The following NOL10 variants were observed in gnomAD, a reference collection of about 807,000 sequenced individuals.
NOL10 encodes the protein H_NH0074G24.1.
A neutral mutation model predicts 103.5 loss-of-function variants in NOL10; 58 were observed. That is an observed-to-expected ratio of 0.56 (90% CI 0.45 to 0.70). The LOEUF is 0.70. NOL10 is among the 30% of genes least tolerant of loss of function. NOL10 has a pLI of 0.00. For missense variants in NOL10, 763 were observed against 807.3 expected (o/e 0.95, Z 0.67); for synonymous variants, 287 against 282.5 (o/e 1.02, Z -0.16).
intron 13 of NOL10, among the ~76,000 whole-genome samples, chr2:10,612,354 T>C (rs935335499): frequency 2.0e-5 from 3 of 152,296 alleles, no homozygotes; most frequent in African/African-American, 7.2e-5. Context: ...ACTAAACCAA[T>C]ACAAATGCCA....
At chr2:10,683,470 G>C (rs1681925681) in intron 2 of NOL10, among the ~76,000 whole-genome samples, 1 of 152,174 alleles carries the variant, frequency 6.6e-6, no homozygotes, top group South Asian at 2.1e-4. Context: ...TACACGATAA[G>C]ATTTTGATAC....
intron 5 of NOL10, among the ~76,000 whole-genome samples, chr2:10,672,895 A>G (rs1681041928): frequency 6.6e-6 from 1 of 152,154 alleles, no homozygotes; most frequent in Admixed American, 6.5e-5. Context: ...CAGGAGGCAG[A>G]GGCAGGAGAA....
At chr2:10,658,906 C>T (rs1232561486) in intron 10 of NOL10, among the ~76,000 whole-genome samples, 1 of 152,186 alleles carries the variant, frequency 6.6e-6, no homozygotes, top group Non-Finnish European at 1.5e-5. Context: ...CAGTGAGACC[C>T]TGTCTCTACA....
At chr2:10,591,729 G>C (rs1254035142) in intron 17 of NOL10, among the ~76,000 whole-genome samples, 4 of 152,090 alleles carry the variant, frequency 2.6e-5, no homozygotes, top group Non-Finnish European at 4.4e-5. Context: ...GAACTGGCCA[G>C]GTGGTGGTTC....
chr2:10,675,884 A>C lies in NOL10; in HGVS notation c.212-13T>G, dbSNP rs2148350867. ...GGTTTATATGTTCCTACAAAAAATTAATGTGATGTAAAACCTAAAGACATA... is the reference window on the plus strand; with the variant it reads ...GGTTTATATGTTCCTACAAAAAATTCATGTGATGTAAAACCTAAAGACATA... On this transcript the variant is annotated splice_polypyrimidine_tract_variant and intron_variant, in intron 3 of 20. Coordinates refer to ENST00000381685, the MANE Select transcript of NOL10 (RefSeq NM_024894.4). The C allele has an allele frequency of 1.4e-6, 2 of 1,469,886 alleles. No individual in the cohort carries two copies. Among genetic ancestry groups the C allele is most frequent in the South Asian group, 2.5e-5 (2 of 80,146 alleles). The allele number at this position is 1,469,886 out of a possible 1,614,324, so 91.1% of individuals were successfully genotyped here. A position where few individuals can be genotyped will look rare whatever the true frequency, so the allele number is the denominator to read the frequency against.
chr2:10,623,886 T>C (rs564209843), intron 13 of NOL10, among the ~76,000 whole-genome samples: 18 of 152,170 alleles, frequency 1.2e-4, no homozygotes, highest in African/African-American at 2.4e-4. Context: ...CGCAAAAACA[T>C]TGACAACACC....
chr2:10,663,312 A>G (rs554146682), intron 8 of NOL10, among the ~76,000 whole-genome samples: 148 of 150,594 alleles, frequency 9.8e-4, no homozygotes, highest in Middle Eastern at 3.2e-3. Flanking sequence ...GGTTGCAGTG[A>G]GCCGAGATTA....
intron 13 of NOL10, among the ~76,000 whole-genome samples, chr2:10,621,189 A>T (rs1206545251): frequency 1.3e-5 from 2 of 150,688 alleles, no homozygotes; most frequent in Non-Finnish European, 3.0e-5. Flanking sequence ...AGCTTTATTT[A>T]AAAAAAACCA....
intron 13 of NOL10, among the ~76,000 whole-genome samples, chr2:10,608,928 T>C (rs1676399793): frequency 6.6e-6 from 1 of 152,138 alleles, no homozygotes; most frequent in African/African-American, 2.4e-5. Context: ...GGTTTTTATA[T>C]ACTAAGTGGT....
chr2:10,621,718 G>C (rs1166640392), intron 13 of NOL10, among the ~76,000 whole-genome samples: 2 of 152,228 alleles, frequency 1.3e-5, no homozygotes, highest in Admixed American at 6.5e-5. Context: ...TCTGGAAGAA[G>C]AAATTCTCTG....
intron 16 of NOL10, among the ~76,000 whole-genome samples, chr2:10,602,561 C>T (rs573042273): frequency 1.0e-3 from 153 of 152,260 alleles, no homozygotes; most frequent in African/African-American, 3.5e-3. Context: ...GTACAATTAC[C>T]GCAGAGGTCA....
At position 10,657,855 on chromosome 2, in the gene NOL10, G is replaced by C; in HGVS notation, c.793C>G (p.Leu265Val). The C allele has an allele frequency of 6.5e-7, 1 of 1,548,514 alleles. No individual in the cohort carries two copies. The highest frequency in any genetic ancestry group is 1.7e-4 in the Middle Eastern group (1 of 5,974). The change falls in exon 11 of 21, where the codon CTA (leucine) becomes GTA (valine). Residue 265 changes from leucine to valine, a missense_variant. Leu to Val is a conservative substitution (Grantham distance 32, BLOSUM62 1). Coordinates refer to ENST00000381685, the MANE Select transcript of NOL10 (RefSeq NM_024894.4). ...AGCCCATACTGGTGATCTTTAACTA[G>C]CAATGGCTTATCAGATCGAAGGTCA... ...LYDLRSDKPL[L>V]VKDHQYGLPI...
At chr2:10,683,940 C>T (rs189887383) in intron 2 of NOL10, among the ~76,000 whole-genome samples, 95 of 152,186 alleles carry the variant, frequency 6.2e-4, no homozygotes, top group African/African-American at 2.0e-3. Context: ...AATCAAATCC[C>T]ATACCCACCA....
chr2:10,684,375 G>A (rs1325504974), intron 2 of NOL10, among the ~76,000 whole-genome samples, 192 bp downstream of exon 2: 1 of 152,008 alleles, frequency 6.6e-6, no homozygotes, highest in African/African-American at 2.4e-5. Flanking sequence ...AAGCCCAGGA[G>A]TTAGAGACCA....
chr2:10,596,656 G>C (rs1408563569), intron 17 of NOL10, among the ~76,000 whole-genome samples: 1 of 152,110 alleles, frequency 6.6e-6, no homozygotes, highest in African/African-American at 2.4e-5. Context: ...CTGGTGTGCG[G>C]CCTGATTCCT....
intron 19 of NOL10, among the ~76,000 whole-genome samples, chr2:10,587,192 C>CATATAT (rs1367631386): frequency 0.011 from 278 of 26,384 alleles, 76 homozygotes; most frequent in East Asian, 0.021. Flanking sequence ...CATATATATA[C>CATATAT]ACATATATAT....
At chr2:10,683,709 T>C (rs746980901) in intron 2 of NOL10, among the ~76,000 whole-genome samples, 18 of 152,162 alleles carry the variant, frequency 1.2e-4, no homozygotes, top group Admixed American at 7.2e-4. Context: ...CCAAGCTGTG[T>C]TGCTCGGCCA....
At chr2:10,616,935 C>G (rs990479605) in intron 13 of NOL10, among the ~76,000 whole-genome samples, 5 of 152,154 alleles carry the variant, frequency 3.3e-5, no homozygotes, top group African/African-American at 1.2e-4. Context: ...ACTTATTCAA[C>G]AAAGAGTTAC....
chr2:10,604,282 C>T (rs1359566727), intron 14 of NOL10, among the ~76,000 whole-genome samples: 1 of 152,108 alleles, frequency 6.6e-6, no homozygotes, highest in African/African-American at 2.4e-5. Context: ...GACTGTCTTT[C>T]TAAGGAAAGC....
Sources: gnomAD v4.1 joint callset for allele counts (sites outside exome capture counted in the v4.1 genomes callset) on GRCh38, gnomAD v4.1.1 for gene constraint, MANE v1.5 for transcripts, NCBI Gene and HGNC (gene_info 2026-07-23, HGNC 2026-07-21) for gene names.